The following SPTBN1 variants were observed in gnomAD, a reference collection of about 807,000 sequenced individuals.
SPTBN1 encodes spectrin beta, non-erythrocytic 1.
In SPTBN1, 32 loss-of-function variants were observed where a neutral mutation model predicts 266.4. The observed-to-expected ratio is 0.12, with a 90% CI of 0.09 to 0.16. The LOEUF (loss-of-function observed/expected upper bound fraction) is 0.16, where lower values mean the gene tolerates loss of function less well. Ranked by LOEUF, SPTBN1 falls within the 10% of genes least tolerant of loss-of-function variation. The pLI, the probability that SPTBN1 is intolerant of heterozygous loss-of-function variation, is 1.00. For synonymous variants in SPTBN1, 1,336 were observed against 1,162.2 expected (o/e 1.15, Z -3.04); for missense variants, 2,296 against 3,067.1 (o/e 0.75, Z 5.94).
Position 54,629,816 on chromosome 2 carries a change from C to T in SPTBN1, c.2669+13C>T, listed in dbSNP as rs1193602631. 1.2e-6 allele frequency: 2 copies of T among 1,610,094 alleles called. No homozygotes were observed. Among genetic ancestry groups the T allele is most frequent in the South Asian group, 2.2e-5 (2 of 90,848 alleles). On this transcript the variant is annotated intron_variant, in intron 14 of 35. Transcript: ENST00000356805. ...TCATCCAGCACAGGTGAGCGGGGCG[C>T]TGGTCAGCCACTGGCCTGTTCCTTG...
chr2:54,668,700 TATAGAGC>T lies in SPTBN1; in HGVS notation c.*134_*140del, dbSNP rs1459659023. On this transcript the variant is annotated 3_prime_UTR_variant, in exon 36 of 36. Coordinates refer to ENST00000356805, the MANE Select transcript of SPTBN1 (RefSeq NM_003128.3). Reference sequence around the variant, plus strand: ...GGTTGATTTTTTTTTTTTTTTAATTTATAGAGCATTTCGGGGGGGGTGGGGGAAACAC... The same window carrying T: ...GGTTGATTTTTTTTTTTTTTTAATTTATTTCGGGGGGGGTGGGGGAAACAC... The T allele has an allele frequency of 3.1e-6, 2 of 655,062 alleles. No homozygotes were observed. The highest frequency in any genetic ancestry group is 2.3e-6 in the Non-Finnish European group (1 of 432,524). The allele number at this position is 655,062 out of a possible 1,614,324, so 40.6% of individuals were successfully genotyped here. A position where few individuals can be genotyped will look rare whatever the true frequency, so the allele number is the denominator to read the frequency against.
At chr2:54,667,711 G>A in intron 35 of SPTBN1, 65 bp downstream of exon 35, 2 of 1,411,592 alleles carry the variant, frequency 1.4e-6, no homozygotes, top group Non-Finnish European at 2.0e-6. Context: ...GTGATGATGG[G>A]CTTTATTCAG....
intron 1 of SPTBN1, among the ~76,000 whole-genome samples, chr2:54,490,728 G>T (rs1468270133): frequency 6.6e-6 from 1 of 152,186 alleles, no homozygotes; most frequent in African/African-American, 2.4e-5. Context: ...GAGGGATGGG[G>T]ACAGCTTAGT....
At chr2:54,552,190 G>C (rs142034537) in intron 2 of SPTBN1, among the ~76,000 whole-genome samples, 1 of 152,260 alleles carries the variant, frequency 6.6e-6, no homozygotes, top group Non-Finnish European at 1.5e-5. Flanking sequence ...TAGCTTCCTT[G>C]GTGAAGTAAG....
chr2:54,563,578 T>G (rs1391592583), intron 2 of SPTBN1, among the ~76,000 whole-genome samples: 1 of 149,676 alleles, frequency 6.7e-6, no homozygotes, highest in African/African-American at 2.5e-5. Context: ...CTCTGAATCA[T>G]GAAGAAAATT....
intron 32 of SPTBN1, chr2:54,661,127 G>A: frequency 2.0e-6 from 2 of 985,306 alleles, no homozygotes; most frequent in Non-Finnish European, 2.4e-6. Flanking sequence ...CTGATTCATT[G>A]TTCATTTTCT....
At position 54,655,048 on chromosome 2, in the gene SPTBN1, G is replaced by A; in HGVS notation, c.5823-22G>A. The A allele has an allele frequency of 3.7e-6, 6 of 1,603,192 alleles. No individual in the cohort carries two copies. The Middle Eastern group carries it at 6.6e-4, about 177-fold the overall frequency. ...TTGAAAAGCTTGATCTCCTAACGGA[G>A]GCATCGTTTGTCTAATTTTAGGGAT... On this transcript the variant is annotated intron_variant, in intron 27 of 35. Coordinates refer to ENST00000356805, the MANE Select transcript of SPTBN1 (RefSeq NM_003128.3).
At chr2:54,506,092 C>T (rs1026086561) in intron 1 of SPTBN1, among the ~76,000 whole-genome samples, 2 of 151,816 alleles carry the variant, frequency 1.3e-5, no homozygotes, top group African/African-American at 4.8e-5. Context: ...CCACTGCACT[C>T]CAGCCTGGGC....
chr2:54,621,806 A>G (rs991374765), intron 8 of SPTBN1, among the ~76,000 whole-genome samples: 6 of 152,186 alleles, frequency 3.9e-5, no homozygotes, highest in African/African-American at 1.2e-4. Context: ...CATGGGTGTG[A>G]CATCCTACTT....
At chr2:54,612,115 T>C (rs1248376279) in intron 3 of SPTBN1, 46 bp from the exon 4 acceptor site, 1 of 1,527,988 alleles carries the variant, frequency 6.5e-7, no homozygotes, top group East Asian at 2.3e-5. Flanking sequence ...GGTTCATCTC[T>C]ACTCTGTTGG....
rs368364126 is a variant in SPTBN1, at chr2:54,626,006, C to T, written c.1416C>T (p.Ala472=). 6 of 1,614,158 alleles carry T rather than the reference C, an allele frequency of 3.7e-6. No homozygotes were observed. The highest frequency in any genetic ancestry group is 1.1e-5 in the South Asian group (1 of 91,076). Residue 472 remains alanine, a synonymous_variant, in exon 12 of 36, where the codon GCC becomes GCT. Transcript: ENST00000356805. This position sits in a 1 kb window ranked among gnomAD's most constrained non-coding sequence, Gnocchi z 4.7. Reference sequence around the variant, plus strand: ...ACGAGGCCATTGAGACAGACATTGCCGCATACGAGGAGCGTGTGCAGGCTG... The same window carrying T: ...ACGAGGCCATTGAGACAGACATTGCTGCATACGAGGAGCGTGTGCAGGCTG... ...KKHEAIETDI[A]AYEERVQAVV...
At chr2:54,658,154 G>GT (rs569074619) in intron 30 of SPTBN1, 108 bp downstream of exon 30, 6 of 1,396,042 alleles carry the variant, frequency 4.3e-6, no homozygotes, top group South Asian at 1.3e-5. Context: ...TGTTTTTTGG[G>GT]TTTTTTTCAA....
At chr2:54,592,056 A>G (rs1275507867) in intron 2 of SPTBN1, among the ~76,000 whole-genome samples, 4 of 152,042 alleles carry the variant, frequency 2.6e-5, no homozygotes, top group Non-Finnish European at 5.9e-5. Context: ...AATCCTAGTT[A>G]CTCTGGAGGT....
chr2:54,492,529 G>T (rs1305897220), intron 1 of SPTBN1, among the ~76,000 whole-genome samples: 2 of 152,066 alleles, frequency 1.3e-5, no homozygotes, highest in African/African-American at 4.8e-5. Flanking sequence ...GCAGGTGGTG[G>T]ACCTACTGCC....
chr2:54,666,554 C>G (rs574162043), intron 34 of SPTBN1, among the ~76,000 whole-genome samples: 1 of 152,188 alleles, frequency 6.6e-6, no homozygotes, highest in Non-Finnish European at 1.5e-5. Flanking sequence ...GGCCTGGGAC[C>G]CTGTCCTCCC....
At chr2:54,486,310 C>A (rs576908617) in intron 1 of SPTBN1, among the ~76,000 whole-genome samples, 1 of 151,982 alleles carries the variant, frequency 6.6e-6, no homozygotes, top group East Asian at 1.9e-4. Flanking sequence ...ACTGAGAAAT[C>A]GGATGGTTGC....
At chr2:54,497,488 T>G (rs1669029514) in intron 1 of SPTBN1, among the ~76,000 whole-genome samples, 1 of 152,244 alleles carries the variant, frequency 6.6e-6, no homozygotes, top group African/African-American at 2.4e-5. Flanking sequence ...GGAATTTCCT[T>G]TCTTCTACCA....
At chr2:54,591,744 G>T (rs748881053) in intron 2 of SPTBN1, among the ~76,000 whole-genome samples, 12 of 152,198 alleles carry the variant, frequency 7.9e-5, no homozygotes, top group Non-Finnish European at 1.6e-4. Flanking sequence ...TGTGCTGAGG[G>T]TATTGCAGAA....
intron 2 of SPTBN1, among the ~76,000 whole-genome samples, chr2:54,548,672 G>A (rs7559923): frequency 0.99 from 150,963 of 152,336 alleles, 74,799 homozygotes; most frequent in East Asian, 1. Context: ...CCAGCATGCC[G>A]GTAGCTTGCT....
Sources: allele counts gnomAD v4.1 joint callset (sites outside exome capture counted in the v4.1 genomes callset), GRCh38; gene constraint gnomAD v4.1.1; non-coding constraint Gnocchi (gnomAD v3.1); transcripts MANE v1.5; gene names NCBI Gene and HGNC (gene_info 2026-07-23, HGNC 2026-07-21).